The following GEMIN4 variants were observed in gnomAD, a reference collection of about 807,000 sequenced individuals.
GEMIN4 encodes the protein gem nuclear organelle associated protein 4.
In GEMIN4, 59 loss-of-function variants were observed where a neutral mutation model predicts 76.8. That is an observed-to-expected ratio of 0.77 (90% CI 0.62 to 0.95). The LOEUF is 0.95. Among genes scored for constraint, GEMIN4 ranks in the 40% least tolerant of loss-of-function variants. The pLI, the probability that GEMIN4 is intolerant of heterozygous loss-of-function variation, is 0.00. For synonymous variants in GEMIN4, 562 were observed against 559.7 expected, an observed-to-expected ratio of 1.00 and a Z score of -0.06; for missense variants, 1,311 against 1,318.9, an observed-to-expected ratio of 0.99 and a Z score of 0.09.
chr17:744,872 G>A lies in GEMIN4; in HGVS notation c.3171C>T (p.Ser1057=), dbSNP rs371944318. 1.2e-6 allele frequency: 2 copies of A among 1,608,200 alleles called. No homozygotes were observed. Among genetic ancestry groups the A allele is most frequent in the Non-Finnish European group, 1.7e-6 (2 of 1,177,256 alleles). ...CCCAGCTCCCCACGCCAAGTCAGAA[G>A]CTGCTCATCTTCTGCAACAGGGTTT... ...RRQTLLQKMS[S]F The change falls in exon 2 of 2, where the codon AGC becomes AGT. Residue 1057 remains serine (S), a synonymous_variant. Transcript: ENST00000319004.
At position 744,916 on chromosome 17, in the gene GEMIN4, C is replaced by T. The variant is rs180894698; in HGVS notation, c.3127G>A (p.Gly1043Ser). The change falls in exon 2 of 2, where the codon GGC (glycine) becomes AGC (serine). Residue 1043 changes from glycine (G) to serine (S), a missense_variant. Gly to Ser is a moderately conservative substitution (Grantham distance 56). Around this residue, in one of 2 missense-constraint regions of GEMIN4, gnomAD observed 1,208 missense variants for 1,166.9 expected, o/e 1.04. Transcript: ENST00000319004. Reference sequence around the variant, plus strand: ...AGGGTTTGGCGCCGTTCTTCAGGGCCGATGCCCTCAGCAATGGACTTTAAG... The same window carrying T: ...AGGGTTTGGCGCCGTTCTTCAGGGCTGATGCCCTCAGCAATGGACTTTAAG... ...RFLKSIAEGI[G>S]PEERRQTLLQ... The T allele has an allele frequency of 4.4e-4, 711 of 1,613,608 alleles. 7 individuals are homozygous for T. The African/African-American group carries it at 8.3e-3, about 19-fold the overall frequency.
chr17:747,132 G>A lies in GEMIN4; in HGVS notation c.911C>T (p.Ser304Leu), dbSNP rs201643179. ...KEAERDVSLT[S>L]LAKLPSETIF... The stretch of plus-strand genomic sequence containing the variant: ...GGTCTCACTGGGGAGTTTGGCCAGC[G>A]AGGTCAGGCTGACATCCCGTTCTGC... The change falls in exon 2 of 2, where the codon TCG (serine) becomes TTG (leucine). Residue 304 changes from serine (S) to leucine (L), a missense_variant. Ser to Leu is a moderately radical substitution (Grantham distance 145). Around this residue, in one of 2 missense-constraint regions of GEMIN4, gnomAD observed 1,208 missense variants for 1,166.9 expected, o/e 1.04. Transcript: ENST00000319004. 1.2e-4 allele frequency: 193 copies of A among 1,613,776 alleles called. No homozygotes were observed. Among genetic ancestry groups the A allele is most frequent in the Middle Eastern group, 4.9e-4 (3 of 6,062 alleles).
rs965798583 is a variant in GEMIN4 at position 752,232 on chromosome 17, G to A, written c.-90C>T. On this transcript the variant is annotated 5_prime_UTR_variant, in exon 1 of 2. Coordinates refer to ENST00000319004, the MANE Select transcript of GEMIN4 (RefSeq NM_015721.3). Reference sequence around the variant, plus strand: ...CGGGACGCACGGCACGATGGGAGACGCAGGAGCCACGGCGGCCGCGCTTAG... The same window carrying A: ...CGGGACGCACGGCACGATGGGAGACACAGGAGCCACGGCGGCCGCGCTTAG... The A allele has an allele frequency of 3.3e-6, 4 of 1,228,630 alleles. No individual in the cohort carries two copies. The highest frequency in any genetic ancestry group is 8.5e-5 in the Admixed American group (2 of 23,586). 76.1% of individuals were successfully genotyped at this position (1,228,630 alleles called of 1,614,324 possible). A position where few individuals can be genotyped will look rare whatever the true frequency, so the allele number is the denominator to read the frequency against.
rs1904316451 is a variant in GEMIN4, at chr17:747,422, T to C, written c.621A>G (p.Pro207=). Residue 207 remains proline, a synonymous_variant, in exon 2 of 2, where the codon CCA becomes CCG. Transcript: ENST00000319004. ...ACAGGGGCATGGTGGGGCACGCGTC[T>C]GGGTCTGACCTAAGCCTCTTTGGAG... The part of the protein sequence containing the change: ...PHPPKRLRSD[P]DACPTMPLLA... The C allele has an allele frequency of 1.2e-6, 2 of 1,613,730 alleles. No individual in the cohort carries two copies. The highest frequency in any genetic ancestry group is 1.7e-5 in the Admixed American group (1 of 60,002).
rs1315662570 is a variant in GEMIN4, at chr17:747,788, C to CG, written c.254dup (p.Ser86ValfsTer66). The CG allele has an allele frequency of 1.2e-6, 2 of 1,612,798 alleles. No homozygotes were observed. Among genetic ancestry groups the CG allele is most frequent in the East Asian group, 4.5e-5 (2 of 44,822 alleles). ...CCTGCCACCGTGTCTCTGTGTCGGA[C>CG]GGGGTCACGGGGTGCGGCTGCAGAA... On this transcript the variant is annotated frameshift_variant, in exon 2 of 2. Transcript: ENST00000319004. LOFTEE classifies it high-confidence loss of function.
chr17:752,018 C>T (rs893821781), intron 1 of GEMIN4, 115 bp downstream of exon 1: 2 of 715,618 alleles, frequency 2.8e-6, no homozygotes, highest in South Asian at 7.0e-5. Flanking sequence ...ACGCGGGGGA[C>T]GTTTCGGTCC....
At chr17:754,378 C>T (rs1293682910), upstream of GEMIN4, 1 of 152,140 alleles carries the variant, frequency 6.6e-6, no homozygotes, top group Non-Finnish European at 1.5e-5. Context: ...TTTCCTGGTA[C>T]TTCTTCTTTA....
Position 747,075 on chromosome 17 carries a change from A to T in GEMIN4, c.968T>A (p.Leu323Gln). Reference protein sequence around the residue: ...IFVGCEFLHHLLREWGEELQA... With the variant: ...IFVGCEFLHHQLREWGEELQA... ...CAACTCCTCCCCCCACTCCCGCAGC[A>T]GGTGGTGCAGGAACTCGCAGCCCAC... Residue 323 changes from leucine to glutamine, a missense_variant, in exon 2 of 2, where the codon CTG becomes CAG. Around this residue, in one of 2 missense-constraint regions of GEMIN4, gnomAD observed 1,208 missense variants for 1,166.9 expected, o/e 1.04. Coordinates refer to ENST00000319004, the MANE Select transcript of GEMIN4 (RefSeq NM_015721.3). 1 of 1,613,614 alleles carries T rather than the reference A, an allele frequency of 6.2e-7. No individual in the cohort carries two copies. Among genetic ancestry groups the T allele is most frequent in the Non-Finnish European group, 8.5e-7 (1 of 1,179,848 alleles).
rs1352518258 is a variant in GEMIN4 at position 745,115 on chromosome 17, C to A, written c.2928G>T (p.Leu976=). 1 of 1,611,154 alleles carries A rather than the reference C, an allele frequency of 6.2e-7. No homozygotes were observed. Among genetic ancestry groups the A allele is most frequent in the East Asian group, 2.2e-5 (1 of 44,832 alleles). The part of the protein sequence containing the change: ...GPEQDLTQEA[L]FVYTQVFCHA... ...GGCAGAACACCTGGGTGTAAACAAA[C>A]AGGGCTTCCTGGGTCAGGTCCTGCT... The change falls in exon 2 of 2, where the codon CTG becomes CTT. Residue 976 remains leucine, a synonymous_variant. Coordinates refer to ENST00000319004, the MANE Select transcript of GEMIN4 (RefSeq NM_015721.3). The surrounding 1 kb of genome is among the most constrained non-coding windows in gnomAD (Gnocchi z 4.6).
Position 746,766 on chromosome 17 carries a change from G to A in GEMIN4, c.1277C>T (p.Ala426Val), listed in dbSNP as rs544297113. The A allele has an allele frequency of 3.0e-5, 48 of 1,613,678 alleles. No homozygotes were observed. In the South Asian group the frequency reaches 5.2e-4, roughly 17 times the overall value. ...DRHMEVCYIFASEKKWAFSDE... is the reference protein window; with the variant it reads ...DRHMEVCYIFVSEKKWAFSDE... ...CGAGAAGGCCCACTTCTTCTCAGAG[G>A]CAAAAATGTAGCACACTTCCATATG... The change falls in exon 2 of 2, where the codon GCC becomes GTC. Residue 426 changes from alanine to valine, a missense_variant. Around this residue, in one of 2 missense-constraint regions of GEMIN4, gnomAD observed 1,208 missense variants for 1,166.9 expected, o/e 1.04. Transcript: ENST00000319004. This position sits in a 1 kb window ranked among gnomAD's most constrained non-coding sequence, Gnocchi z 4.3.
In GEMIN4 at chr17:746,006, C is replaced by T. The variant is rs1026532007; in HGVS notation, c.2037G>A (p.Glu679=). The T allele has an allele frequency of 3.1e-6, 5 of 1,613,578 alleles. No individual in the cohort carries two copies. Among genetic ancestry groups the T allele is most frequent in the Non-Finnish European group, 4.2e-6 (5 of 1,179,898 alleles). Residue 679 remains glutamate (E), a synonymous_variant, in exon 2 of 2, where the codon GAG becomes GAA. Transcript: ENST00000319004. The surrounding 1 kb of genome is among the most constrained non-coding windows in gnomAD (Gnocchi z 4.3). ...AGTATTCCTCTCGGCACGCGTTTGC[C>T]TCTAGAGTCTGGATGAAGATCCTCA... is the stretch of plus-strand genomic sequence containing the variant. ...LSLRIFIQTL[E]ANACREEYWL...
intron 1 of GEMIN4, chr17:749,693 TA>T: frequency 2.5e-6 from 1 of 398,768 alleles, no homozygotes; most frequent in Non-Finnish European, 3.6e-6. Flanking sequence ...AGCCACAGGG[TA>T]ACGGGCACAG....
At chr17:753,210 C>A (rs543412550), upstream of GEMIN4, 1 of 69,276 alleles carries the variant, frequency 1.4e-5, no homozygotes, top group African/African-American at 5.5e-5. Flanking sequence ...AGTGGAGGAG[C>A]TGACGAAGAA....
rs201418426 is a variant in GEMIN4 at position 745,825 on chromosome 17, C to T, written c.2218G>A (p.Val740Ile). The T allele has an allele frequency of 2.5e-4, 409 of 1,612,994 alleles. No individual in the cohort carries two copies. The highest frequency in any genetic ancestry group is 3.2e-4 in the Non-Finnish European group (376 of 1,179,838). ...IHILELLCEI[V>I]SANAETFSPD... is the part of the protein sequence containing the mutation. Reference sequence around the variant, plus strand: ...GAGAAGGTCTCAGCATTGGCTGATACAATCTCACACAGGAGCTCCAGGATA... The same window carrying T: ...GAGAAGGTCTCAGCATTGGCTGATATAATCTCACACAGGAGCTCCAGGATA... Residue 740 changes from valine (V) to isoleucine (I), a missense_variant, in exon 2 of 2, where the codon GTA becomes ATA. Physicochemically the swap from Val to Ile is conservative, Grantham distance 29. This residue lies in a region of GEMIN4 where 1,208 missense variants were observed against 1,166.9 expected (regional missense o/e 1.04). Coordinates refer to ENST00000319004, the MANE Select transcript of GEMIN4 (RefSeq NM_015721.3). This position sits in a 1 kb window ranked among gnomAD's most constrained non-coding sequence, Gnocchi z 4.6.
chr17:751,731 C>T lies in GEMIN4; in HGVS notation c.10+402G>A, dbSNP rs73975099. The T allele has an allele frequency of 2.3e-3, 485 of 211,448 alleles. 2 individuals carry two copies. The highest frequency in any genetic ancestry group is 9.5e-3 in the African/African-American group (418 of 43,776). 13.1% of individuals were successfully genotyped at this position (211,448 alleles called of 1,614,324 possible). A position where few individuals can be genotyped will look rare whatever the true frequency, so the allele number is the denominator to read the frequency against. ...TCTCCCCGCTCTGTCGATGAGGAAA[C>T]GTCATGAGCGTAAGACACTTGGAGC... On this transcript the variant is annotated intron_variant, in intron 1 of 1. Coordinates refer to ENST00000319004, the MANE Select transcript of GEMIN4 (RefSeq NM_015721.3).
chr17:746,635 C>T lies in GEMIN4; in HGVS notation c.1408G>A (p.Ala470Thr), dbSNP rs776320621. The change falls in exon 2 of 2, where the codon GCC becomes ACC. Residue 470 changes from alanine to threonine, a missense_variant. Ala to Thr is a moderately conservative substitution (Grantham distance 58, BLOSUM62 0). Coordinates refer to ENST00000319004, the MANE Select transcript of GEMIN4 (RefSeq NM_015721.3). The surrounding 1 kb of genome is among the most constrained non-coding windows in gnomAD (Gnocchi z 4.3). ...TGCCGGATCTGAGACTCAGGGATGG[C>T]TCTGTCAGCTGTGCTGACGTCTATC... is the stretch of plus-strand genomic sequence containing the variant. ...TVIDVSTADRAIPESQIRQVI... is the reference protein window; with the variant it reads ...TVIDVSTADRTIPESQIRQVI... 1 of 1,613,606 alleles carries T rather than the reference C, an allele frequency of 6.2e-7. No individual in the cohort carries two copies. The highest frequency in any genetic ancestry group is 2.2e-5 in the East Asian group (1 of 44,880).
chr17:752,043 G>A, intron 1 of GEMIN4, 90 bp downstream of exon 1: 4 of 903,268 alleles, frequency 4.4e-6, no homozygotes, highest in Non-Finnish European at 5.8e-6. Context: ...CCGCGCGAGC[G>A]TGCGCGACAG....
intron 1 of GEMIN4, chr17:750,125 G>A: frequency 5.9e-6 from 2 of 341,018 alleles, no homozygotes; most frequent in Non-Finnish European, 8.3e-6. Context: ...GGGGGCTGAG[G>A]CAGGTGGATC....
At position 744,673 on chromosome 17, in the gene GEMIN4, A is replaced by G. The variant is rs1974317986; in HGVS notation, c.*193T>C. ...AGTTTGTACGTTACAAATACCCAAG[A>G]AACTATTTTCTTTACACCATTATTG... On this transcript the variant is annotated 3_prime_UTR_variant, in exon 2 of 2. Transcript: ENST00000319004. 2 of 566,520 alleles carry G rather than the reference A, an allele frequency of 3.5e-6. No homozygotes were observed. The highest frequency in any genetic ancestry group is 2.9e-5 in the East Asian group (1 of 34,412). The allele number at this position is 566,520 out of a possible 1,614,324, so 35.1% of individuals were successfully genotyped here.
Sources: allele counts gnomAD v4.1 joint callset, GRCh38; gene constraint gnomAD v4.1.1; regional missense constraint gnomAD v4.1.1; non-coding constraint Gnocchi (gnomAD v3.1); transcripts MANE v1.5; gene names NCBI Gene and HGNC (gene_info 2026-07-23, HGNC 2026-07-21).